Variants in PCDH7 observed in about 807,000 individuals in gnomAD.
PCDH7 encodes protocadherin-7.
In PCDH7, 17 loss-of-function variants were observed where a neutral mutation model predicts 58.9. The ratio of observed to expected loss-of-function variants is 0.29; its 90% confidence interval spans 0.20 to 0.43. The LOEUF (loss-of-function observed/expected upper bound fraction) is 0.43. Ranked by LOEUF, PCDH7 falls within the 20% of genes least tolerant of loss-of-function variation. The pLI is 1.00. For missense variants in PCDH7, 1,274 were observed against 1,441.0 expected, an observed-to-expected ratio of 0.88 and a Z score of 1.88; for synonymous variants, 664 against 616.4, an observed-to-expected ratio of 1.08 and a Z score of -1.14.
At chr4:31,038,963 C>G (rs963930367) in intron 3 of PCDH7, among the ~76,000 whole-genome samples, 1 of 152,080 alleles carries the variant, frequency 6.6e-6, no homozygotes, top group South Asian at 2.1e-4. Flanking sequence ...CAGTAACTTA[C>G]CAGATAGTGT....
chr4:30,915,949 A>G (rs1742416024), intron 1 of PCDH7, among the ~76,000 whole-genome samples: 1 of 152,142 alleles, frequency 6.6e-6, no homozygotes, highest in Admixed American at 6.5e-5. Flanking sequence ...CTGCCTTTGC[A>G]CTGCCTGTCC....
At chr4:31,064,589 T>C (rs1560615269) in intron 3 of PCDH7, among the ~76,000 whole-genome samples, 1 of 151,980 alleles carries the variant, frequency 6.6e-6, no homozygotes, top group Non-Finnish European at 1.5e-5. Context: ...CCAGCTTCTG[T>C]GGGTGGCAGC....
intron 3 of PCDH7, among the ~76,000 whole-genome samples, chr4:30,957,885 T>C (rs1748015571): frequency 6.6e-6 from 1 of 152,154 alleles, no homozygotes; most frequent in Non-Finnish European, 1.5e-5. Context: ...TGGGTCATAT[T>C]AAGTTAGTGG....
downstream of PCDH7, among the ~76,000 whole-genome samples, chr4:30,737,163 G>A (rs1716420468): frequency 6.6e-6 from 1 of 152,116 alleles, no homozygotes; most frequent in Non-Finnish European, 1.5e-5. Context: ...TGAAGTCTCT[G>A]GAAACTCCTC....
intron 2 of PCDH7, among the ~76,000 whole-genome samples, chr4:30,921,237 T>C (rs1743150896): frequency 6.6e-6 from 1 of 152,056 alleles, no homozygotes; most frequent in South Asian, 2.1e-4. Flanking sequence ...TTCTTTCAAA[T>C]ATGAAGAGAG....
intron 1 of PCDH7, chr4:30,730,740 T>A (rs766774871): frequency 6.3e-7 from 1 of 1,577,474 alleles, no homozygotes; most frequent in Admixed American, 1.9e-5. Flanking sequence ...AATCTTTATT[T>A]TCCTTCTTTC....
At chr4:30,834,675 A>C (rs1730243490) in intron 1 of PCDH7, among the ~76,000 whole-genome samples, 1 of 152,142 alleles carries the variant, frequency 6.6e-6, no homozygotes, top group South Asian at 2.1e-4. Flanking sequence ...AAAAAAAAAA[A>C]AAACCTGAGT....
intron 3 of PCDH7, among the ~76,000 whole-genome samples, chr4:31,041,841 A>G (rs1367748021): frequency 6.6e-6 from 1 of 152,110 alleles, no homozygotes; most frequent in Admixed American, 6.6e-5. Context: ...AACTTTTACT[A>G]TTTCTGAGGA....
chr4:30,941,634 A>G (rs1305863472), intron 2 of PCDH7, among the ~76,000 whole-genome samples: 1 of 151,950 alleles, frequency 6.6e-6, no homozygotes, highest in Admixed American at 6.6e-5. Flanking sequence ...ATGGTTGAAT[A>G]AGGGTATTTT....
intron 3 of PCDH7, among the ~76,000 whole-genome samples, chr4:31,032,160 G>A (rs931958751): frequency 1.3e-5 from 2 of 152,198 alleles, no homozygotes; most frequent in African/African-American, 2.4e-5. Context: ...TTTATCAGAT[G>A]ATACGCCCTT....
intron 3 of PCDH7, among the ~76,000 whole-genome samples, chr4:31,088,910 T>C (rs1459750870): frequency 1.3e-5 from 2 of 152,102 alleles, no homozygotes; most frequent in African/African-American, 4.8e-5. Flanking sequence ...GTTTTTATGC[T>C]TTAATTATTT....
chr4:30,986,319 T>TC (rs1479174362), intron 3 of PCDH7, among the ~76,000 whole-genome samples: 6 of 152,104 alleles, frequency 3.9e-5, no homozygotes, highest in African/African-American at 1.2e-4. Context: ...TTTTAGTCTT[T>TC]TAAAAAAAAT....
chr4:31,003,832 C>T (rs577943691), intron 3 of PCDH7, among the ~76,000 whole-genome samples: 1 of 150,656 alleles, frequency 6.6e-6, no homozygotes, highest in Non-Finnish European at 1.5e-5. Flanking sequence ...GGCATGAACC[C>T]GAAAAAAAAA....
chr4:30,971,403 G>C (rs1749569625), intron 3 of PCDH7, among the ~76,000 whole-genome samples: 1 of 152,180 alleles, frequency 6.6e-6, no homozygotes, highest in Non-Finnish European at 1.5e-5. Flanking sequence ...TGTAAATTAA[G>C]TTTAGGAAGG....
At chr4:31,058,062 A>G (rs1056603466) in intron 3 of PCDH7, among the ~76,000 whole-genome samples, 3 of 152,154 alleles carry the variant, frequency 2.0e-5, no homozygotes, top group Non-Finnish European at 4.4e-5. Flanking sequence ...AGTATCTGCT[A>G]TAAAATAAGA....
chr4:31,119,674 G>A (rs1578848533), intron 3 of PCDH7, among the ~76,000 whole-genome samples: 1 of 152,182 alleles, frequency 6.6e-6, no homozygotes, highest in South Asian at 2.1e-4. Flanking sequence ...ATTCTTATGG[G>A]GTCTTGTGTC....
chr4:31,000,637 C>G (rs1379715405), intron 3 of PCDH7, among the ~76,000 whole-genome samples: 1 of 151,978 alleles, frequency 6.6e-6, no homozygotes, highest in Non-Finnish European at 1.5e-5. Context: ...TCTTTATTAT[C>G]TTCTCTCTTA....
chr4:30,723,022 A>G lies in PCDH7; in HGVS notation c.1600A>G (p.Met534Val), dbSNP rs1577530241. The G allele has an allele frequency of 3.1e-6, 5 of 1,613,836 alleles. No individual in the cohort carries two copies. The highest frequency in any genetic ancestry group is 4.2e-6 in the Non-Finnish European group (5 of 1,180,026). ...GGGAGACACCAACGACAACCCGCCC[A>G]TGTTCGGCCAGTCGGTGGTGGAGGT... Residue 534 changes from methionine (M) to valine (V), a missense_variant, in exon 1 of 2, where the codon ATG becomes GTG. Coordinates refer to ENST00000361762, the Ensembl canonical transcript of PCDH7. The surrounding 1 kb of genome is among the most constrained non-coding windows in gnomAD (Gnocchi z 4.6).
rs953762250 is a variant in PCDH7, at chr4:31,027,580, G to A, written c.*7+77365G>A. On this transcript the variant is annotated intron_variant, in intron 3 of 3. Coordinates refer to the PCDH7 transcript ENST00000509759. ...TGGGATTATAGCCATGCACCACCAC[G>A]CCCAACTAATTTTTGTGTTTTTAGT... 7.9e-5 allele frequency among the ~76,000 whole-genome samples: 12 copies of A among 151,878 alleles called. No individual in the cohort carries two copies. In the South Asian group the frequency reaches 1.2e-3, roughly 16 times the overall value.
Sources: gnomAD v4.1 joint callset for allele counts (sites outside exome capture counted in the v4.1 genomes callset) on GRCh38, gnomAD v4.1.1 for gene constraint, Gnocchi (gnomAD v3.1) non-coding constraint, MANE v1.5 for transcripts, NCBI Gene and HGNC (gene_info 2026-07-23, HGNC 2026-07-21) for gene names.